IL1RAPL2: variants seen among roughly 807,000 people sequenced by gnomAD.
The protein encoded by IL1RAPL2 is X-linked interleukin-1 receptor accessory protein-like 2.
IL1RAPL2 carries 3 observed loss-of-function variants against 44.1 expected under a neutral mutation model. That is an observed-to-expected ratio of 0.07 (90% CI 0.03 to 0.18). The LOEUF is 0.18. IL1RAPL2 is among the 10% of genes least tolerant of loss of function. IL1RAPL2 has a pLI of 1.00. For synonymous variants in IL1RAPL2, 181 were observed against 178.8 expected, an observed-to-expected ratio of 1.01 and a Z score of -0.10; for missense variants, 391 against 496.4, an observed-to-expected ratio of 0.79 and a Z score of 2.02.
intron 2 of IL1RAPL2, among the ~76,000 whole-genome samples, chrX:105,060,998 T>C (rs543640945): frequency 9.0e-6 from 1 of 111,483 alleles, no homozygotes; most frequent in East Asian, 2.8e-4. Flanking sequence ...AGCCAGCTTT[T>C]CATTTCATTG....
intron 2 of IL1RAPL2, among the ~76,000 whole-genome samples, chrX:105,060,815 A>AT (rs1373388083): frequency 9.1e-6 from 1 of 109,465 alleles, no homozygotes; most frequent in Non-Finnish European, 1.9e-5. Flanking sequence ...TTTCTTCTAG[A>AT]TTTTTTAATT....
chrX:104,946,139 G>A (rs973571532), intron 2 of IL1RAPL2, among the ~76,000 whole-genome samples: 4 of 105,065 alleles, frequency 3.8e-5, no homozygotes, highest in Non-Finnish European at 5.8e-5. Context: ...TTGGGAGGCC[G>A]AGGCGGGTGG....
At chrX:105,201,503 G>C (rs781881065) in intron 3 of IL1RAPL2, among the ~76,000 whole-genome samples, 2 of 111,629 alleles carry the variant, frequency 1.8e-5, no homozygotes, top group African/African-American at 6.5e-5. Context: ...TAAATACCTA[G>C]GTATCATATA....
chrX:104,950,267 T>G (rs745443763), intron 2 of IL1RAPL2, among the ~76,000 whole-genome samples: 13 of 112,323 alleles, frequency 1.2e-4, no homozygotes, highest in Middle Eastern at 9.3e-3. Context: ...GTTTTCCATT[T>G]CCTTGGTAGA....
In IL1RAPL2 at chrX:104,677,129, G is replaced by A. The variant is rs769934265; in HGVS notation, c.82+18134G>A. Among the ~76,000 whole-genome samples, 8 of 112,098 alleles carry A rather than the reference G, an allele frequency of 7.1e-5. No homozygotes were observed. The East Asian group carries it at 8.4e-4, about 12-fold the overall frequency. On this transcript the variant is annotated intron_variant, in intron 2 of 10. Transcript: ENST00000372582. ...GTCATTCTCTGTCCAGCTTTGTTCC[G>A]TTGCTGGTGAGGAATTGCGTTCCTT...
intron 2 of IL1RAPL2, among the ~76,000 whole-genome samples, chrX:104,818,172 G>A (rs984183592): frequency 3.7e-5 from 4 of 108,053 alleles, no homozygotes; most frequent in East Asian, 2.9e-4. Flanking sequence ...GTGAAACCCC[G>A]TCTCTACTAA....
intron 6 of IL1RAPL2, among the ~76,000 whole-genome samples, chrX:105,572,736 A>C (rs11796771): frequency 0.33 from 37,033 of 110,607 alleles, 4,653 homozygotes; most frequent in Middle Eastern, 0.4. Context: ...CCATTTTTGC[A>C]CTACAATGGC....
At chrX:104,807,564 G>A (rs1233179682) in intron 2 of IL1RAPL2, among the ~76,000 whole-genome samples, 1 of 111,827 alleles carries the variant, frequency 8.9e-6, no homozygotes, top group Non-Finnish European at 1.9e-5. Context: ...GTACAGCAAT[G>A]TATAAGAATT....
At chrX:105,367,174 A>G (rs1213597591) in intron 5 of IL1RAPL2, among the ~76,000 whole-genome samples, 1 of 111,330 alleles carries the variant, frequency 9.0e-6, no homozygotes, top group African/African-American at 3.3e-5. Context: ...TTTTATTTCT[A>G]TGGAATATCT....
chrX:105,199,414 G>T (rs1265449186), intron 3 of IL1RAPL2, among the ~76,000 whole-genome samples: 8 of 109,179 alleles, frequency 7.3e-5, no homozygotes, highest in Middle Eastern at 4.8e-3. Flanking sequence ...TTTTTCCAAG[G>T]AGTCCTGTTT....
At chrX:105,041,388 A>G (rs1301911958) in intron 2 of IL1RAPL2, among the ~76,000 whole-genome samples, 3 of 110,751 alleles carry the variant, frequency 2.7e-5, no homozygotes, top group African/African-American at 6.6e-5. Flanking sequence ...GTAGATGTCT[A>G]TTAGGTCTGT....
intron 2 of IL1RAPL2, among the ~76,000 whole-genome samples, chrX:104,911,133 A>G (rs1172348128): frequency 8.9e-6 from 1 of 111,939 alleles, no homozygotes; most frequent in Non-Finnish European, 1.9e-5. Context: ...AGCATATTGA[A>G]TTGGTAATAA....
intron 2 of IL1RAPL2, among the ~76,000 whole-genome samples, chrX:104,677,817 C>T (rs757870507): frequency 8.9e-6 from 1 of 112,033 alleles, no homozygotes; most frequent in African/African-American, 3.2e-5. Flanking sequence ...TTTTTAAGCT[C>T]GTCGGAAAAG....
chrX:105,451,796 A>T (rs2036021144), intron 5 of IL1RAPL2, among the ~76,000 whole-genome samples: 1 of 111,931 alleles, frequency 8.9e-6, no homozygotes, highest in Non-Finnish European at 1.9e-5. Context: ...GTACTAATTA[A>T]TGCTGCCTTT....
chrX:104,876,933 T>C (rs1349057704), intron 2 of IL1RAPL2, among the ~76,000 whole-genome samples: 1 of 109,547 alleles, frequency 9.1e-6, no homozygotes, highest in African/African-American at 3.3e-5. Context: ...CCTGTGTCCA[T>C]GTGTTCTCAT....
chrX:105,658,775 A>T (rs2037694984), intron 6 of IL1RAPL2, among the ~76,000 whole-genome samples: 1 of 107,390 alleles, frequency 9.3e-6, no homozygotes, highest in African/African-American at 3.5e-5. Flanking sequence ...CAGCATGGTG[A>T]AACCCCATCT....
At chrX:105,033,954 C>G (rs1442656385) in intron 2 of IL1RAPL2, among the ~76,000 whole-genome samples, 1 of 111,472 alleles carries the variant, frequency 9.0e-6, no homozygotes, top group Non-Finnish European at 1.9e-5. Context: ...AACTTCCCTT[C>G]TCACTTCATT....
intron 2 of IL1RAPL2, among the ~76,000 whole-genome samples, chrX:105,161,223 A>T (rs1291618874): frequency 9.3e-6 from 1 of 107,916 alleles, no homozygotes; most frequent in Middle Eastern, 4.4e-3. Context: ...GTCTCAAATA[A>T]TAATAATAAT....
At chrX:104,708,016 TGGCA>T (rs1001535532) in intron 2 of IL1RAPL2, among the ~76,000 whole-genome samples, 3 of 111,737 alleles carry the variant, frequency 2.7e-5, no homozygotes, top group African/African-American at 9.7e-5. Flanking sequence ...GAGAGGAGTG[TGGCA>T]GGTCTTGTCA....
Sources: gnomAD v4.1 joint callset for allele counts (sites outside exome capture counted in the v4.1 genomes callset) on GRCh38, gnomAD v4.1.1 for gene constraint, MANE v1.5 for transcripts, NCBI Gene and HGNC (gene_info 2026-07-23, HGNC 2026-07-21) for gene names.